The following LIN9 variants were observed in gnomAD, a reference collection of about 807,000 sequenced individuals.
The protein encoded by LIN9 is protein lin-9 homolog.
Under a neutral mutation model 78.0 loss-of-function variants are expected in LIN9, and 18 were observed. The observed-to-expected ratio is 0.23, with a 90% CI of 0.16 to 0.34. LIN9 has a LOEUF of 0.34. Ranked by LOEUF, LIN9 falls within the 10% of genes least tolerant of loss-of-function variation. The pLI is 1.00. For missense variants in LIN9, 451 were observed against 644.1 expected, an observed-to-expected ratio of 0.70 and a Z score of 3.25; for synonymous variants, 192 against 215.2, an observed-to-expected ratio of 0.89 and a Z score of 0.94.
chr1:226,244,367 C>T (rs894272156), intron 11 of LIN9, among the ~76,000 whole-genome samples: 4 of 151,880 alleles, frequency 2.6e-5, no homozygotes, highest in Admixed American at 6.6e-5. Context: ...GGGAGGCAGA[C>T]GTTGCAGTGA....
chr1:226,277,992 CTT>C, intron 6 of LIN9, 60 bp from the exon 7 acceptor site: 1 of 1,316,902 alleles, frequency 7.6e-7, no homozygotes, highest in Non-Finnish European at 1.0e-6. Context: ...AACTTAAAAT[CTT>C]TTTTTTTTCT....
chr1:226,263,456 T>C lies in LIN9; in HGVS notation c.1038+2077A>G, dbSNP rs1414230018. On this transcript the variant is annotated intron_variant, in intron 10 of 14. Transcript: ENST00000681046. ...AATTGGTCTAAAAAAATAAAGTGTA[T>C]TGAATTAAAAATCAAATATAACAAG... is the stretch of plus-strand genomic sequence containing the variant. Among the ~76,000 whole-genome samples the C allele has an allele frequency of 4.6e-5, 7 of 152,096 alleles. No homozygotes were observed. In the East Asian group the frequency reaches 9.6e-4, roughly 21 times the overall value.
In LIN9 at chr1:226,265,497, TA is replaced by T. The variant is rs1416105099; in HGVS notation, c.1038+35del. 50 of 1,394,388 alleles carry T rather than the reference TA, an allele frequency of 3.6e-5. No homozygotes were observed. The highest frequency in any genetic ancestry group is 5.0e-5 in the Non-Finnish European group (49 of 989,634). 86.4% of individuals were successfully genotyped at this position (1,394,388 alleles called of 1,614,324 possible). A position where few individuals can be genotyped will look rare whatever the true frequency, so the allele number is the denominator to read the frequency against. ...AATAACATAAAAGGCATTGAGTTTT[TA>T]AACAAACAGCCAAGATATTCAGAAC... On this transcript the variant is annotated intron_variant, in intron 10 of 14. Coordinates refer to ENST00000681046, the MANE Select transcript of LIN9 (RefSeq NM_001366245.2). The surrounding 1 kb of genome is among the most constrained non-coding windows in gnomAD (Gnocchi z 4.1).
At chr1:226,290,819 C>T (rs1207832880) in intron 4 of LIN9, among the ~76,000 whole-genome samples, 7 of 152,174 alleles carry the variant, frequency 4.6e-5, no homozygotes, top group South Asian at 4.1e-4. Flanking sequence ...CATACTGACA[C>T]GATCGCGGCT....
chr1:226,240,157 A>C (rs1658012078), intron 11 of LIN9, among the ~76,000 whole-genome samples: 1 of 152,208 alleles, frequency 6.6e-6, no homozygotes, highest in Non-Finnish European at 1.5e-5. Flanking sequence ...ACTTAACAGC[A>C]CACACTATTA....
intron 4 of LIN9, among the ~76,000 whole-genome samples, chr1:226,289,418 A>G (rs1661583720): frequency 6.6e-6 from 1 of 152,056 alleles, no homozygotes; most frequent in African/African-American, 2.4e-5. Context: ...GCTGAAGTGC[A>G]GTGGTGCAAA....
At position 226,300,124 on chromosome 1, in the gene LIN9, G is replaced by A. The variant is rs1287887418; in HGVS notation, c.64+1049C>T. On this transcript the variant is annotated intron_variant, in intron 2 of 14. Coordinates refer to ENST00000681046, the MANE Select transcript of LIN9 (RefSeq NM_001366245.2). Reference sequence around the variant, plus strand: ...CGGATAATTTTGTATTTTTAGTAGAGATGGGGTTTCACCTTGTTAGCCAGG... The same window carrying A: ...CGGATAATTTTGTATTTTTAGTAGAAATGGGGTTTCACCTTGTTAGCCAGG... 3.3e-5 allele frequency among the ~76,000 whole-genome samples: 5 copies of A among 152,206 alleles called. No homozygotes were observed. In the East Asian group the frequency reaches 7.8e-4, roughly 24 times the overall value.
Position 226,277,951 on chromosome 1 carries a change from A to G in LIN9, c.525-19T>C. The G allele has an allele frequency of 6.3e-7, 1 of 1,579,474 alleles. No homozygotes were observed. ...AGAACATCTAGAATAAATTATAAAAAACATACAAACTGATAACTACCCCAT... is the reference window on the plus strand; with the variant it reads ...AGAACATCTAGAATAAATTATAAAAGACATACAAACTGATAACTACCCCAT... On this transcript the variant is annotated intron_variant, in intron 6 of 14. Coordinates refer to ENST00000681046, the MANE Select transcript of LIN9 (RefSeq NM_001366245.2).
intron 6 of LIN9, among the ~76,000 whole-genome samples, chr1:226,284,463 C>T (rs112505938): frequency 0.012 from 1,859 of 152,234 alleles, 20 homozygotes; most frequent in Non-Finnish European, 0.016. Context: ...GTGGCTCACA[C>T]CTGTAATCCT....
chr1:226,302,800 A>G (rs1662646641), intron 1 of LIN9, among the ~76,000 whole-genome samples: 1 of 152,248 alleles, frequency 6.6e-6, no homozygotes, highest in African/African-American at 2.4e-5. Flanking sequence ...AATGGATAAC[A>G]GACTTAAAAT....
Position 226,287,775 on chromosome 1 carries a change from G to A in LIN9, c.287C>T (p.Thr96Ile), listed in dbSNP as rs1175640749. The A allele has an allele frequency of 1.9e-6, 3 of 1,551,672 alleles. No homozygotes were observed. Among genetic ancestry groups the A allele is most frequent in the Non-Finnish European group, 2.6e-6 (3 of 1,160,044 alleles). ...VPQKFTATMS[T>I]PDKKASQKIG... Reference sequence around the variant, plus strand: ...CTTCTGTGAAGCTTTCTTATCTGGTGTTGACATTGTTGCTGTAAATTTCTA... The same window carrying A: ...CTTCTGTGAAGCTTTCTTATCTGGTATTGACATTGTTGCTGTAAATTTCTA... The change falls in exon 5 of 15, where the codon ACA (threonine) becomes ATA (isoleucine). Residue 96 changes from threonine (T) to isoleucine (I), a missense_variant. Physicochemically the swap from Thr to Ile is moderately conservative, Grantham distance 89. Transcript: ENST00000681046.
chr1:226,291,813 C>A (rs896124967), intron 4 of LIN9, among the ~76,000 whole-genome samples: 1 of 151,998 alleles, frequency 6.6e-6, no homozygotes, highest in African/African-American at 2.4e-5. Flanking sequence ...AGTTTTTTCA[C>A]CAACATCCTT....
intron 6 of LIN9, among the ~76,000 whole-genome samples, chr1:226,278,210 A>G (rs1433056266): frequency 1.3e-5 from 2 of 151,768 alleles, no homozygotes; most frequent in Non-Finnish European, 2.9e-5. Context: ...GGACAGATCA[A>G]TTGAGGTCAG....
At chr1:226,243,878 T>TTAC (rs1302522774) in intron 11 of LIN9, among the ~76,000 whole-genome samples, 1 of 150,166 alleles carries the variant, frequency 6.7e-6, no homozygotes, top group Non-Finnish European at 1.5e-5. Flanking sequence ...CAATTAAAAA[T>TTAC]TATTATTATT....
At chr1:226,234,461 T>G (rs955240236) in intron 12 of LIN9, among the ~76,000 whole-genome samples, 2 of 152,232 alleles carry the variant, frequency 1.3e-5, no homozygotes, top group Non-Finnish European at 2.9e-5. Context: ...ATTTATTTAT[T>G]CTGAAGCTCA....
chr1:226,232,828 T>C, intron 14 of LIN9: 5 of 500,190 alleles, frequency 1.0e-5, no homozygotes, highest in Non-Finnish European at 1.7e-5. Flanking sequence ...AGAAGATGAG[T>C]CTCTCACTGA....
chr1:226,283,630 C>T (rs1206474045), intron 6 of LIN9, among the ~76,000 whole-genome samples: 1 of 151,892 alleles, frequency 6.6e-6, no homozygotes, highest in East Asian at 1.9e-4. Flanking sequence ...TTAATGTTTT[C>T]TTTTATGGCT....
intron 11 of LIN9, among the ~76,000 whole-genome samples, chr1:226,245,454 ACT>A (rs529763326): frequency 1.2e-4 from 18 of 150,942 alleles, no homozygotes; most frequent in African/African-American, 4.4e-4. Flanking sequence ...ACAGGGTCTC[ACT>A]CTGTCACCCA....
intron 10 of LIN9, among the ~76,000 whole-genome samples, chr1:226,253,876 C>T (rs2102875219): frequency 6.6e-6 from 1 of 152,140 alleles, no homozygotes; most frequent in Middle Eastern, 3.4e-3. Flanking sequence ...GATCACACCA[C>T]TGCACTCCAG....
Sources: allele counts gnomAD v4.1 joint callset (sites outside exome capture counted in the v4.1 genomes callset), GRCh38; gene constraint gnomAD v4.1.1; non-coding constraint Gnocchi (gnomAD v3.1); transcripts MANE v1.5; gene names NCBI Gene and HGNC (gene_info 2026-07-23, HGNC 2026-07-21).